Variants in L3MBTL4 observed in about 807,000 individuals in gnomAD.
L3MBTL4 encodes the protein L3MBTL histone methyl-lysine binding protein 4, also known as lethal(3)malignant brain tumor-like protein 4.
In L3MBTL4, 70 loss-of-function variants were observed where a neutral mutation model predicts 84.5. The observed-to-expected ratio is 0.83, with a 90% CI of 0.68 to 1.01. L3MBTL4 has a LOEUF of 1.01. Ranked by LOEUF, L3MBTL4 falls within the 50% of genes least tolerant of loss-of-function variation. The pLI is 0.00. For missense variants in L3MBTL4, 715 were observed against 754.8 expected, an observed-to-expected ratio of 0.95 and a Z score of 0.62; for synonymous variants, 274 against 259.8, an observed-to-expected ratio of 1.05 and a Z score of -0.52.
At chr18:6,013,861 T>A (rs1374627560) in intron 16 of L3MBTL4, among the ~76,000 whole-genome samples, 1 of 152,240 alleles carries the variant, frequency 6.6e-6, no homozygotes, top group Non-Finnish European at 1.5e-5. Context: ...ATATTTGTTC[T>A]ATTCTTGTGA....
chr18:6,136,750 A>G (rs559761027), intron 14 of L3MBTL4, among the ~76,000 whole-genome samples: 1 of 152,300 alleles, frequency 6.6e-6, no homozygotes, highest in East Asian at 1.9e-4. Context: ...CTCCCACTCT[A>G]TGGAGTGTAC....
intron 1 of L3MBTL4, among the ~76,000 whole-genome samples, chr18:6,317,537 C>T (rs1259687592): frequency 6.6e-6 from 1 of 151,860 alleles, no homozygotes; most frequent in East Asian, 1.9e-4. Context: ...TTTTGTTCAC[C>T]CAATCAAACA....
chr18:6,146,491 C>G (rs1489245111), intron 13 of L3MBTL4, among the ~76,000 whole-genome samples: 1 of 152,322 alleles, frequency 6.6e-6, no homozygotes, highest in African/African-American at 2.4e-5. Flanking sequence ...GTCCATGCAA[C>G]GGTTGAACCT....
intron 1 of L3MBTL4, among the ~76,000 whole-genome samples, chr18:6,372,442 G>C (rs2054193895): frequency 6.6e-6 from 1 of 152,202 alleles, no homozygotes; most frequent in African/African-American, 2.4e-5. Context: ...ATTTGTAACA[G>C]TGTCTTATTA....
chr18:5,958,070 GA>G (rs1321103557), intron 18 of L3MBTL4, among the ~76,000 whole-genome samples: 7 of 35,748 alleles, frequency 2.0e-4, no homozygotes, highest in African/African-American at 1.4e-3. Flanking sequence ...AGGAGAAGAA[GA>G]AGAAGAAGAA....
intron 14 of L3MBTL4, among the ~76,000 whole-genome samples, chr18:6,110,048 T>C (rs2059141769): frequency 6.6e-6 from 1 of 152,064 alleles, no homozygotes; most frequent in South Asian, 2.1e-4. Flanking sequence ...TTAACACAGT[T>C]ATTTACTAAT....
intron 10 of L3MBTL4, among the ~76,000 whole-genome samples, chr18:6,227,153 A>G (rs1266015821): frequency 6.6e-6 from 1 of 152,176 alleles, no homozygotes; most frequent in Non-Finnish European, 1.5e-5. Flanking sequence ...AAAGCAAAAA[A>G]CTATAGAATA....
At chr18:5,974,975 T>TG (rs2052835930) in intron 16 of L3MBTL4, among the ~76,000 whole-genome samples, 1 of 151,840 alleles carries the variant, frequency 6.6e-6, no homozygotes, top group African/African-American at 2.4e-5. Flanking sequence ...TGTTTTGTTT[T>TG]TTTTTTTTAA....
At chr18:6,386,123 C>T (rs1029384569) in intron 1 of L3MBTL4, among the ~76,000 whole-genome samples, 2 of 152,122 alleles carry the variant, frequency 1.3e-5, no homozygotes, top group South Asian at 4.1e-4. Context: ...AGATAGCACA[C>T]CAAGCACACA....
intron 13 of L3MBTL4, among the ~76,000 whole-genome samples, chr18:6,166,437 T>A (rs2043660941): frequency 6.6e-6 from 1 of 152,038 alleles, no homozygotes; most frequent in Admixed American, 6.5e-5. Flanking sequence ...AGTAAAGCAC[T>A]CCTCAGCAAA....
At chr18:6,349,609 A>G (rs755266952) in intron 1 of L3MBTL4, among the ~76,000 whole-genome samples, 3 of 152,122 alleles carry the variant, frequency 2.0e-5, no homozygotes, top group African/African-American at 4.8e-5. Context: ...GCACCTAGCT[A>G]CTTGGGAGGC....
chr18:6,063,342 T>TGTGTGTGTG (rs2057298808), intron 16 of L3MBTL4, among the ~76,000 whole-genome samples: 1 of 151,414 alleles, frequency 6.6e-6, no homozygotes, highest in South Asian at 2.1e-4. Context: ...TGTGTGTATC[T>TGTGTGTGTG]TTTTAATATA....
At chr18:6,119,600 A>G (rs1478705906) in intron 14 of L3MBTL4, among the ~76,000 whole-genome samples, 3 of 152,156 alleles carry the variant, frequency 2.0e-5, no homozygotes, top group Admixed American at 6.5e-5. Flanking sequence ...ATTCCTCCTA[A>G]GATTTTTATG....
At chr18:6,179,786 C>T (rs1391627934) in intron 12 of L3MBTL4, among the ~76,000 whole-genome samples, 2 of 152,130 alleles carry the variant, frequency 1.3e-5, no homozygotes, top group Admixed American at 1.3e-4. Flanking sequence ...TGCCACCACA[C>T]CACACCACTC....
chr18:6,350,334 T>C (rs776651658), intron 1 of L3MBTL4, among the ~76,000 whole-genome samples: 16 of 152,112 alleles, frequency 1.1e-4, no homozygotes, highest in Non-Finnish European at 2.1e-4. Context: ...GGAGAAAATA[T>C]TTGCAAATCA....
At chr18:6,037,405 T>G (rs2056191390) in intron 16 of L3MBTL4, among the ~76,000 whole-genome samples, 1 of 152,194 alleles carries the variant, frequency 6.6e-6, no homozygotes, top group African/African-American at 2.4e-5. Context: ...CCAAAACAAT[T>G]GCATCAGACA....
chr18:6,343,462 G>C (rs2052711794), intron 1 of L3MBTL4, among the ~76,000 whole-genome samples: 1 of 152,082 alleles, frequency 6.6e-6, no homozygotes, highest in Non-Finnish European at 1.5e-5. Context: ...AGGAGATTGA[G>C]ACCATCCTGA....
intron 16 of L3MBTL4, among the ~76,000 whole-genome samples, chr18:6,039,406 C>G (rs2056300809): frequency 6.6e-6 from 1 of 152,132 alleles, no homozygotes; most frequent in Non-Finnish European, 1.5e-5. Flanking sequence ...CACATATTCT[C>G]TAAGGACTAT....
At chr18:6,217,905 A>G (rs941534899) in intron 10 of L3MBTL4, among the ~76,000 whole-genome samples, 12 of 152,132 alleles carry the variant, frequency 7.9e-5, no homozygotes, top group Admixed American at 5.2e-4. Context: ...TGTTCCAGAC[A>G]TATCTATTTT....
Sources: allele counts gnomAD v4.1 joint callset (sites outside exome capture counted in the v4.1 genomes callset), GRCh38; gene constraint gnomAD v4.1.1; transcripts MANE v1.5; gene names NCBI Gene and HGNC (gene_info 2026-07-23, HGNC 2026-07-21).